The following EIF2AK4 variants were observed in gnomAD, a reference collection of about 807,000 sequenced individuals.
The protein encoded by EIF2AK4 is eukaryotic translation initiation factor 2 alpha kinase 4, also known as eIF-2-alpha kinase GCN2.
EIF2AK4 carries 139 observed loss-of-function variants against 211.1 expected under a neutral mutation model. The observed-to-expected ratio is 0.66, with a 90% confidence interval of 0.57 to 0.76. EIF2AK4 has a LOEUF of 0.76. EIF2AK4 is among the 30% of genes least tolerant of loss of function. The probability of loss-of-function intolerance (pLI) is 0.00; values close to 1 mark genes in which losing one functional copy is unlikely to be tolerated. For synonymous variants in EIF2AK4, 710 were observed against 751.3 expected (o/e 0.94, Z 0.90); for missense variants, 1,664 against 2,043.8 (o/e 0.81, Z 3.58).
In EIF2AK4 at chr15:39,976,681, G is replaced by T. The variant is rs553357977; in HGVS notation, c.2086G>T (p.Val696Leu). 4 of 1,602,100 alleles carry T rather than the reference G, an allele frequency of 2.5e-6. No homozygotes were observed. Among genetic ancestry groups the T allele is most frequent in the South Asian group, 1.1e-5 (1 of 90,032 alleles). ...PASDTDGLDS[V>L]EAAAPPPILS... ...GAGCGACACAGACGGCCTGGACAGC[G>T]TAGAGGCCGCCGCGCCGCCACCCAT... The change falls in exon 12 of 39, where the codon GTA (valine) becomes TTA (leucine). Residue 696 changes from valine to leucine, a missense_variant. By Grantham distance (32) the Val-to-Leu change is conservative. Coordinates refer to ENST00000263791, the MANE Select transcript of EIF2AK4 (RefSeq NM_001013703.4).
rs567982599 is a variant in EIF2AK4 at position 39,985,759 on chromosome 15, A to C, written c.2320-46A>C. ...CTTAATGATGGTGATGATTTTGCTT[A>C]ATTTTGGCCTCCATTTTGAGTTATT... On this transcript the variant is annotated intron_variant, in intron 13 of 38. Coordinates refer to ENST00000263791, the MANE Select transcript of EIF2AK4 (RefSeq NM_001013703.4). 37 of 1,598,618 alleles carry C rather than the reference A, an allele frequency of 2.3e-5. No individual in the cohort carries two copies. In the African/African-American group the frequency reaches 3.9e-4, roughly 17 times the overall value.
intron 23 of EIF2AK4, 137 bp downstream of exon 23, chr15:40,003,451 A>C: frequency 8.9e-6 from 12 of 1,341,256 alleles, no homozygotes; most frequent in Non-Finnish European, 1.1e-5. Flanking sequence ...GGAAGTTGTC[A>C]GAGTGAGAGT....
At position 39,967,839 on chromosome 15, in the gene EIF2AK4, C is replaced by G; in HGVS notation, c.1513C>G (p.Pro505Ala). Reference protein sequence around the residue: ...QECGEYPVTIPSDLPADFQDF... With the variant: ...QECGEYPVTIASDLPADFQDF... ...ATGTGGAGAGTACCCTGTGACCATCCCTAGTGACTTACCAGCTGACTTTCA... is the reference window on the plus strand; with the variant it reads ...ATGTGGAGAGTACCCTGTGACCATCGCTAGTGACTTACCAGCTGACTTTCA... Residue 505 changes from proline to alanine, a missense_variant, in exon 9 of 39, where the codon CCT becomes GCT. Physicochemically the swap from Pro to Ala is conservative, Grantham distance 27. Coordinates refer to ENST00000263791, the MANE Select transcript of EIF2AK4 (RefSeq NM_001013703.4). 6.2e-7 allele frequency: 1 copy of G among 1,614,034 alleles called. No homozygotes were observed. Among genetic ancestry groups the G allele is most frequent in the Non-Finnish European group, 8.5e-7 (1 of 1,179,930 alleles).
chr15:39,970,857 G>C (rs953887365), intron 9 of EIF2AK4, among the ~76,000 whole-genome samples: 1 of 152,038 alleles, frequency 6.6e-6, no homozygotes, highest in African/African-American at 2.4e-5. Context: ...GGAAAATACG[G>C]TATCTTATAC....
intron 29 of EIF2AK4, 30 bp from the exon 30 acceptor site, chr15:40,019,063 A>G (rs1365051240): frequency 2.0e-6 from 3 of 1,521,282 alleles, no homozygotes; most frequent in Non-Finnish European, 2.7e-6. Context: ...TTCCTATTTC[A>G]TAACCATAAC....
intron 18 of EIF2AK4, among the ~76,000 whole-genome samples, chr15:39,995,464 G>A (rs988841271): frequency 6.6e-6 from 1 of 152,006 alleles, no homozygotes; most frequent in Non-Finnish European, 1.5e-5. Context: ...TCTTTTCCTC[G>A]GCAGCTGTGT....
At chr15:40,027,094 C>T (rs935766487) in intron 33 of EIF2AK4, among the ~76,000 whole-genome samples, 5 of 152,140 alleles carry the variant, frequency 3.3e-5, no homozygotes, top group African/African-American at 9.7e-5. Context: ...AACCCCATTA[C>T]ATGCTAACGT....
intron 29 of EIF2AK4, among the ~76,000 whole-genome samples, 190 bp downstream of exon 29, chr15:40,017,432 A>G (rs1489774847): frequency 6.8e-6 from 1 of 147,106 alleles, no homozygotes; most frequent in Non-Finnish European, 1.5e-5. Flanking sequence ...AGCTTAAAAC[A>G]ATTATATTAT....
chr15:39,964,869 A>C (rs1294055396), intron 7 of EIF2AK4, among the ~76,000 whole-genome samples: 1 of 152,180 alleles, frequency 6.6e-6, no homozygotes, highest in African/African-American at 2.4e-5. Context: ...CAAAGCATTG[A>C]CCAGTTTGTA....
At chr15:39,943,169 T>C (rs1490628786) in intron 2 of EIF2AK4, among the ~76,000 whole-genome samples, 2 of 152,166 alleles carry the variant, frequency 1.3e-5, no homozygotes, top group Non-Finnish European at 2.9e-5. Context: ...CCAGTAAGTC[T>C]AACAGCCCAG....
chr15:40,031,005 C>T (rs1003043924), intron 35 of EIF2AK4, among the ~76,000 whole-genome samples: 2 of 152,024 alleles, frequency 1.3e-5, no homozygotes, highest in African/African-American at 4.8e-5. Context: ...TTTGGGAGGC[C>T]GAGGAGGGCG....
chr15:40,029,391 TTTGC>T lies in EIF2AK4; in HGVS notation c.4503-11_4503-8del, dbSNP rs1464949715. The T allele has an allele frequency of 6.2e-6, 10 of 1,612,182 alleles. No homozygotes were observed. Among genetic ancestry groups the T allele is most frequent in the Non-Finnish European group, 8.5e-6 (10 of 1,179,744 alleles). On this transcript the variant is annotated splice_polypyrimidine_tract_variant and intron_variant, in intron 33 of 38. Transcript: ENST00000263791. ...ATTGACTGTTCTTTAATTGTTTTTG[TTTGC>T]TTGTTTTTAGAGAAGCTTCCGATAA...
At chr15:39,987,879 A>T (rs2034887785) in intron 14 of EIF2AK4, 104 bp from the exon 15 acceptor site, 1 of 1,347,854 alleles carries the variant, frequency 7.4e-7, no homozygotes, top group African/African-American at 1.4e-5. Context: ...ACCGTTTAAA[A>T]CCCATGGTAC....
chr15:39,976,885 CT>C (rs1566991844), intron 12 of EIF2AK4, 41 bp downstream of exon 12: 1 of 1,426,466 alleles, frequency 7.0e-7, no homozygotes, highest in Admixed American at 3.0e-5. Context: ...GATGCGCCCC[CT>C]AGTTTCCTTT....
intron 29 of EIF2AK4, among the ~76,000 whole-genome samples, chr15:40,017,502 T>TTTATACATACATAC (rs397971303): frequency 6.5e-5 from 5 of 76,746 alleles, no homozygotes; most frequent in African/African-American, 2.5e-4. Context: ...ACTCTGTTTC[T>TTTATACATACATAC]ATATATATAT....
Position 39,980,154 on chromosome 15 carries a change from A to G in EIF2AK4, c.2319+2007A>G, listed in dbSNP as rs189347324. Among the ~76,000 whole-genome samples, 461 of 152,342 alleles carry G rather than the reference A, an allele frequency of 3.0e-3. 3 individuals carry two copies. Among genetic ancestry groups the G allele is most frequent in the Admixed American group, 0.01 (160 of 15,302 alleles). On this transcript the variant is annotated intron_variant, in intron 13 of 38. Coordinates refer to ENST00000263791, the MANE Select transcript of EIF2AK4 (RefSeq NM_001013703.4). ...TTTCCTAACTATTCTTTCAACGTCA[A>G]TGTACCCTAGAGTTGACATTTCATT...
intron 11 of EIF2AK4, among the ~76,000 whole-genome samples, chr15:39,976,080 A>C (rs2034688406): frequency 6.6e-6 from 1 of 152,240 alleles, no homozygotes; most frequent in Non-Finnish European, 1.5e-5. Flanking sequence ...AATAATTTTT[A>C]ATCTTAAAAT....
In EIF2AK4 at chr15:40,017,551, A is replaced by ATATATATATATGTATATG. The variant is rs71132134; in HGVS notation, c.4065+312_4065+313insATATATATGTATATGTAT. The stretch of plus-strand genomic sequence containing the variant: ...TATATATATATATATATATATATAT[A>ATATATATATATGTATATG]TATGTATTTTGGAGACAGGGCCTTG... On this transcript the variant is annotated intron_variant, in intron 29 of 38. Transcript: ENST00000263791. Among the ~76,000 whole-genome samples the ATATATATATATGTATATG allele has an allele frequency of 2.4e-4, 21 of 87,064 alleles. 1 individual carries two copies. The highest frequency in any genetic ancestry group is 8.0e-4 in the African/African-American group (18 of 22,368). The allele number at this position is 87,064 out of a possible 152,430, so 57.1% of individuals were successfully genotyped here. A position where few individuals can be genotyped will look rare whatever the true frequency, so the allele number is the denominator to read the frequency against.
chr15:39,968,507 T>C (rs12900686), intron 9 of EIF2AK4, among the ~76,000 whole-genome samples: 92,657 of 151,970 alleles, frequency 0.61, 28,647 homozygotes, highest in Middle Eastern at 0.67. Context: ...GTCCTGCCTC[T>C]GTTTTCAGTC....
Sources: gnomAD v4.1 joint callset for allele counts (sites outside exome capture counted in the v4.1 genomes callset) on GRCh38, gnomAD v4.1.1 for gene constraint, MANE v1.5 for transcripts, NCBI Gene and HGNC (gene_info 2026-07-23, HGNC 2026-07-21) for gene names.